The following RIPOR2 variants were observed in gnomAD, a reference collection of about 807,000 sequenced individuals.
The protein encoded by RIPOR2 is rho family-interacting cell polarization regulator 2.
In RIPOR2, 39 loss-of-function variants were observed where a neutral mutation model predicts 114.5. That is an observed-to-expected ratio of 0.34 (90% CI 0.26 to 0.44). The LOEUF is 0.44. Ranked by LOEUF, RIPOR2 falls within the 20% of genes least tolerant of loss-of-function variation. The pLI is 1.00. For missense variants in RIPOR2, 1,007 were observed against 1,255.1 expected (o/e 0.80, Z 2.99); for synonymous variants, 445 against 484.4 (o/e 0.92, Z 1.07).
intron 14 of RIPOR2, among the ~76,000 whole-genome samples, chr6:24,838,720 G>T (rs1761338001): frequency 1.3e-5 from 2 of 152,138 alleles, no homozygotes; most frequent in Non-Finnish European, 2.9e-5. Context: ...CTTGAACCTG[G>T]GAGGTGGAGG....
intron 9 of RIPOR2, among the ~76,000 whole-genome samples, chr6:24,852,035 G>GA (rs1303530291): frequency 1.7e-5 from 2 of 120,838 alleles, no homozygotes; most frequent in African/African-American, 3.0e-5. Flanking sequence ...GGGCGGGGGG[G>GA]AATCACTTGA....
intron 1 of RIPOR2, among the ~76,000 whole-genome samples, chr6:24,945,626 G>A (rs1055544523): frequency 2.0e-5 from 3 of 152,166 alleles, no homozygotes; most frequent in African/African-American, 7.2e-5. Context: ...AATGAGTAGA[G>A]TGATAGAGGA....
chr6:24,863,410 G>A (rs73398447), intron 7 of RIPOR2, among the ~76,000 whole-genome samples: 1,920 of 152,334 alleles, frequency 0.013, 38 homozygotes, highest in African/African-American at 0.044. Context: ...GGGTGGCTGT[G>A]TCTGAAATGA....
rs183142589 is a variant in RIPOR2 at position 25,032,096 on chromosome 6, G to T, written c.76+9755C>A. 2.6e-4 allele frequency among the ~76,000 whole-genome samples: 40 copies of T among 151,474 alleles called. No homozygotes were observed. In the East Asian group the frequency reaches 7.6e-3, roughly 29 times the overall value. On this transcript the variant is annotated intron_variant, in intron 1 of 13. Coordinates refer to the RIPOR2 transcript ENST00000510784. The stretch of plus-strand genomic sequence containing the variant: ...AAGTTTCCCTTGGTCCAGAGGGGAA[G>T]AGCTGAGCTCTTGGGGTTCTTTGCC...
At chr6:24,921,690 G>A (rs1367674989) in intron 1 of RIPOR2, among the ~76,000 whole-genome samples, 2 of 145,078 alleles carry the variant, frequency 1.4e-5, no homozygotes, top group Non-Finnish European at 3.0e-5. Context: ...TTATAGGCTT[G>A]TCTATTGTCT....
At chr6:24,933,971 T>C (rs1771581647) in intron 1 of RIPOR2, among the ~76,000 whole-genome samples, 2 of 152,168 alleles carry the variant, frequency 1.3e-5, no homozygotes, top group African/African-American at 2.4e-5. Context: ...CAGCCCTGCT[T>C]GGTCTTAACG....
rs186122198 is a variant in RIPOR2 at position 24,894,536 on chromosome 6, C to T, written c.62-18719G>A. ...TTCCGTTTCTTAATTTTCTGTCAAC[C>T]GGGAGGGGAGGATCATCAGTTCTCA... On this transcript the variant is annotated intron_variant, in intron 1 of 21. Coordinates refer to ENST00000643898, the MANE Select transcript of RIPOR2 (RefSeq NM_001286445.3). Among the ~76,000 whole-genome samples, 10 of 152,222 alleles carry T rather than the reference C, an allele frequency of 6.6e-5. No homozygotes were observed. The East Asian group carries it at 9.6e-4, about 15-fold the overall frequency.
intron 1 of RIPOR2, among the ~76,000 whole-genome samples, chr6:24,983,756 C>CAA (rs34480037): frequency 0.022 from 1,048 of 46,940 alleles, 166 homozygotes; most frequent in African/African-American, 0.068. Context: ...GACTGTGTCT[C>CAA]AAAAAAAAAA....
At chr6:24,898,192 A>G (rs549875652) in intron 1 of RIPOR2, among the ~76,000 whole-genome samples, 1 of 152,168 alleles carries the variant, frequency 6.6e-6, no homozygotes. Context: ...GTCAAAGGTA[A>G]AAAGACAAAT....
chr6:24,930,516 T>C (rs755074932), intron 1 of RIPOR2, among the ~76,000 whole-genome samples: 3 of 152,218 alleles, frequency 2.0e-5, no homozygotes, highest in East Asian at 1.9e-4. Context: ...CCTGCATAGC[T>C]TTAGTGCAAT....
At chr6:24,986,880 A>G (rs1774549611) in intron 1 of RIPOR2, among the ~76,000 whole-genome samples, 1 of 152,018 alleles carries the variant, frequency 6.6e-6, no homozygotes, top group South Asian at 2.1e-4. Context: ...GTCTTGGGCC[A>G]CACATAAAAT....
chr6:24,914,136 A>C (rs1223034093), intron 1 of RIPOR2, among the ~76,000 whole-genome samples: 1 of 152,104 alleles, frequency 6.6e-6, no homozygotes, highest in Non-Finnish European at 1.5e-5. Flanking sequence ...GGAGTTTGAG[A>C]CCAGCCTGGC....
chr6:24,958,005 C>G (rs1159857519), intron 1 of RIPOR2, among the ~76,000 whole-genome samples: 14 of 152,138 alleles, frequency 9.2e-5, no homozygotes, highest in Admixed American at 6.5e-4. Flanking sequence ...AAGTAACATA[C>G]TCTTAATAGT....
At chr6:25,022,003 C>T (rs1776345737) in intron 1 of RIPOR2, among the ~76,000 whole-genome samples, 1 of 152,052 alleles carries the variant, frequency 6.6e-6, no homozygotes, top group Non-Finnish European at 1.5e-5. Flanking sequence ...GAAAGATAAA[C>T]ATTAAACTTA....
At position 24,835,766 on chromosome 6, in the gene RIPOR2, T is replaced by C. The variant is rs1430115555; in HGVS notation, c.2145A>G (p.Thr715=). The C allele has an allele frequency of 4.5e-6, 7 of 1,551,672 alleles. No homozygotes were observed. Among genetic ancestry groups the C allele is most frequent in the Non-Finnish European group, 6.1e-6 (7 of 1,146,958 alleles). Residue 715 remains threonine, a synonymous_variant, in exon 15 of 22, where the codon ACA becomes ACG. Coordinates refer to ENST00000643898, the MANE Select transcript of RIPOR2 (RefSeq NM_001286445.3). ...TGGTGATGTCCAGGCTCTCGTTGCCTGTGGTCAGTGGGAGAGGACTTCCTG... is the reference window on the plus strand; with the variant it reads ...TGGTGATGTCCAGGCTCTCGTTGCCCGTGGTCAGTGGGAGAGGACTTCCTG... The part of the protein sequence containing the change: ...SVAGSPLPLT[T]GNESLDITIV...
At chr6:24,840,054 A>C in intron 13 of RIPOR2, 1 of 778,452 alleles carries the variant, frequency 1.3e-6, no homozygotes, top group Non-Finnish European at 1.6e-6. Flanking sequence ...GGCTTAAGCA[A>C]TCCTCTCACC....
chr6:24,991,380 G>T (rs552106936), intron 1 of RIPOR2, among the ~76,000 whole-genome samples: 3 of 151,990 alleles, frequency 2.0e-5, no homozygotes, highest in African/African-American at 7.2e-5. Flanking sequence ...TTTTAATTTA[G>T]TCTGTGAGCC....
chr6:25,010,192 G>A (rs1368692159), intron 1 of RIPOR2, among the ~76,000 whole-genome samples: 1 of 152,180 alleles, frequency 6.6e-6, no homozygotes, highest in Non-Finnish European at 1.5e-5. Context: ...TAATGGAGGT[G>A]TTTGGCCATG....
intron 1 of RIPOR2, among the ~76,000 whole-genome samples, chr6:25,003,559 A>T (rs1202463153): frequency 6.6e-6 from 1 of 151,900 alleles, no homozygotes; most frequent in Non-Finnish European, 1.5e-5. Context: ...CCTCCCAAGT[A>T]GCTGGGACTA....
Sources: allele counts gnomAD v4.1 joint callset (sites outside exome capture counted in the v4.1 genomes callset), GRCh38; gene constraint gnomAD v4.1.1; transcripts MANE v1.5; gene names NCBI Gene and HGNC (gene_info 2026-07-23, HGNC 2026-07-21).